ZNF287: variants seen among roughly 807,000 people sequenced by gnomAD.
ZNF287 encodes the protein zinc finger protein 287, also known as zinc finger protein with KRAB and SCAN domains 13.
A neutral mutation model predicts 73.7 loss-of-function variants in ZNF287; 31 were observed. The ratio of observed to expected loss-of-function variants is 0.42; its 90% CI spans 0.32 to 0.57. ZNF287 has a LOEUF of 0.57. ZNF287 is among the 20% of genes least tolerant of loss of function. ZNF287 has a pLI of 0.13. For missense variants in ZNF287, 641 were observed against 909.3 expected (o/e 0.70, Z 3.79); for synonymous variants, 301 against 307.2 (o/e 0.98, Z 0.21).
At position 16,567,595 on chromosome 17, in the gene ZNF287, TCA is replaced by T. The variant is rs1907828457; in HGVS notation, c.135_136del (p.Glu46AspfsTer7). ...ATTCCTAAAATTCTGTCGACAGGTC[TCA>T]GTGTCACGCAAGAATCTTGAAGTAA... On this transcript the variant is annotated frameshift_variant, in exon 2 of 6. Transcript: ENST00000395825. LOFTEE classifies it high-confidence loss of function. 1 of 1,614,110 alleles carries T rather than the reference TCA, an allele frequency of 6.2e-7. No homozygotes were observed.
chr17:16,563,592 A>G lies in ZNF287; in HGVS notation c.628+107T>C, dbSNP rs142252935. 1,042 of 1,310,742 alleles carry G rather than the reference A, an allele frequency of 7.9e-4. 13 individuals are homozygous for G. In the African/African-American group the frequency reaches 0.014, roughly 18 times the overall value. The allele number at this position is 1,310,742 out of a possible 1,614,324, so 81.2% of individuals were successfully genotyped here. On this transcript the variant is annotated intron_variant, in intron 4 of 5. Coordinates refer to ENST00000395825, the MANE Select transcript of ZNF287 (RefSeq NM_020653.4). ...ACAGTCACTTTCGTGCTTGAATGAG[A>G]TAAGAACATTTATTTCTGGACCCCA...
At position 16,552,039 on chromosome 17, in the gene ZNF287, C is replaced by G. The variant is rs1244442596; in HGVS notation, c.2103G>C (p.Glu701Asp). The change falls in exon 6 of 6, where the codon GAG becomes GAC. Residue 701 changes from glutamate (E) to aspartate (D), a missense_variant. This residue lies in a region of ZNF287 where 284 missense variants were observed against 466.8 expected (regional missense o/e 0.61). Coordinates refer to ENST00000395825, the MANE Select transcript of ZNF287 (RefSeq NM_020653.4). The surrounding 1 kb of genome is among the most constrained non-coding windows in gnomAD (Gnocchi z 6.5). Reference protein sequence around the residue: ...LNQHQRTHTGERPYKCNECDK... With the variant: ...LNQHQRTHTGDRPYKCNECDK... ...CACATTCATTACATTTATAGGGTCT[C>G]TCTCCAGTATGAGTTCTCTGATGTT... The G allele has an allele frequency of 6.2e-7, 1 of 1,614,066 alleles. No homozygotes were observed. Among genetic ancestry groups the G allele is most frequent in the Admixed American group, 1.7e-5 (1 of 60,022 alleles).
chr17:16,555,317 T>C (rs1401200484), intron 5 of ZNF287, among the ~76,000 whole-genome samples: 1 of 152,176 alleles, frequency 6.6e-6, no homozygotes, highest in East Asian at 1.9e-4. Context: ...ATATGCTCCA[T>C]TGTTGTCTTA....
intron 5 of ZNF287, among the ~76,000 whole-genome samples, chr17:16,561,005 A>C (rs1399000562): frequency 6.6e-6 from 1 of 151,420 alleles, no homozygotes; most frequent in Non-Finnish European, 1.5e-5. Flanking sequence ...TCCGTCTCAA[A>C]AAAAAAAGAA....
At chr17:16,567,979 C>T in intron 1 of ZNF287, 50 bp from the exon 2 acceptor site, 2 of 1,353,194 alleles carry the variant, frequency 1.5e-6, no homozygotes, top group African/African-American at 1.5e-5. Context: ...GTGTACTCTA[C>T]TATACATATA....
At chr17:16,567,968 G>A in intron 1 of ZNF287, 39 bp from the exon 2 acceptor site, 1 of 1,383,988 alleles carries the variant, frequency 7.2e-7, no homozygotes, top group South Asian at 1.7e-5. Context: ...AAGAATCCCT[G>A]GTGTACTCTA....
At chr17:16,563,551 G>A (rs1012533995) in intron 4 of ZNF287, 148 bp downstream of exon 4, 6 of 922,118 alleles carry the variant, frequency 6.5e-6, no homozygotes, top group Non-Finnish European at 6.4e-6. Context: ...CCTTTCATTT[G>A]GAAAACGGGA....
At chr17:16,553,465 G>A in intron 5 of ZNF287, 39 bp from the exon 6 acceptor site, 1 of 1,399,476 alleles carries the variant, frequency 7.1e-7, no homozygotes, top group African/African-American at 1.5e-5. Flanking sequence ...TCATTTATTT[G>A]GAGAAAGGAA....
Position 16,551,760 on chromosome 17 carries a change from A to C in ZNF287, c.*96T>G. On this transcript the variant is annotated 3_prime_UTR_variant, in exon 6 of 6. Transcript: ENST00000395825. The stretch of plus-strand genomic sequence containing the variant: ...TTCTGCTGAGTATCTAACATATTGC[A>C]CTTCTTCAGACTTCTTCTGAATGTT... 7.7e-7 allele frequency: 1 copy of C among 1,305,652 alleles called. No homozygotes were observed. The highest frequency in any genetic ancestry group is 1.1e-6 in the Non-Finnish European group (1 of 944,350). 80.9% of individuals were successfully genotyped at this position (1,305,652 alleles called of 1,614,324 possible).
chr17:16,562,502 T>C (rs1907506661), intron 5 of ZNF287, among the ~76,000 whole-genome samples: 4 of 152,248 alleles, frequency 2.6e-5, no homozygotes, highest in Non-Finnish European at 2.9e-5. Flanking sequence ...CTTCTACTTA[T>C]GTGGAACTTT....
intron 2 of ZNF287, 31 bp from the exon 3 acceptor site, chr17:16,566,653 T>C (rs1479839431): frequency 3.2e-6 from 5 of 1,548,822 alleles, no homozygotes; most frequent in Non-Finnish European, 4.4e-6. Context: ...ATGAGGGAGA[T>C]TAGTCCTTTC....
rs542334960 is a variant in ZNF287 at position 16,547,378 on chromosome 17, A to G, written c.*4478T>C. On this transcript the variant is annotated 3_prime_UTR_variant, in exon 6 of 6. Coordinates refer to ENST00000395825, the MANE Select transcript of ZNF287 (RefSeq NM_020653.4). ...CTTGGCAGATTAACTGACAAGTTCT[A>G]TTCCCTTGTAAATTTCCTGATGGCA... is the stretch of plus-strand genomic sequence containing the variant. Among the ~76,000 whole-genome samples, 13 of 152,322 alleles carry G rather than the reference A, an allele frequency of 8.5e-5. No individual in the cohort carries two copies. The highest frequency in any genetic ancestry group is 3.1e-4 in the African/African-American group (13 of 41,572).
At chr17:16,559,718 T>C (rs1275238730) in intron 5 of ZNF287, among the ~76,000 whole-genome samples, 1 of 152,190 alleles carries the variant, frequency 6.6e-6, no homozygotes, top group African/African-American at 2.4e-5. Flanking sequence ...TCAGGGTTCC[T>C]TAGAGAAATC....
intron 5 of ZNF287, chr17:16,559,408 T>C (rs1389549650): frequency 6.6e-6 from 1 of 152,214 alleles, no homozygotes; most frequent in East Asian, 1.9e-4. Context: ...GTGTAACATA[T>C]GATATAGCAA....
In ZNF287 at chr17:16,552,349, C is replaced by T. The variant is rs1218895824; in HGVS notation, c.1793G>A (p.Gly598Glu). The T allele has an allele frequency of 1.9e-6, 3 of 1,613,810 alleles. No individual in the cohort carries two copies. ...ATTTGCACTCTGGCTGAAGGCTTTC[C>T]CACATATATTACATATATAGGATTT... The part of the protein sequence containing the change: ...GEKSYICNIC[G>E]KAFSQSANLT... The change falls in exon 6 of 6, where the codon GGG becomes GAG. Residue 598 changes from glycine to glutamate, a missense_variant. Gly to Glu is a moderately conservative substitution (Grantham distance 98). This residue lies in a region of ZNF287 where 284 missense variants were observed against 466.8 expected (regional missense o/e 0.61). Transcript: ENST00000395825. The surrounding 1 kb of genome is among the most constrained non-coding windows in gnomAD (Gnocchi z 6.5).
Position 16,550,392 on chromosome 17 carries a change from C to T in ZNF287, c.*1464G>A, listed in dbSNP as rs2142449888. On this transcript the variant is annotated 3_prime_UTR_variant, in exon 6 of 6. Transcript: ENST00000395825. ...TTCATAGGCAAAGCAAGTCCAATTA[C>T]ATTTCATGTTATAGCAATTATCTAT... 6.6e-6 allele frequency among the ~76,000 whole-genome samples: 1 copy of T among 152,318 alleles called. No individual in the cohort carries two copies. The highest frequency in any genetic ancestry group is 2.4e-5 in the African/African-American group (1 of 41,576).
In ZNF287 at chr17:16,567,658, G is replaced by A. The variant is rs781614102; in HGVS notation, c.74C>T (p.Ala25Val). 3.1e-6 allele frequency: 5 copies of A among 1,614,046 alleles called. No homozygotes were observed. The highest frequency in any genetic ancestry group is 4.2e-6 in the Non-Finnish European group (5 of 1,180,032). ...QILLRWKSDK[A>V]QSGPYNVEKE... is the part of the protein sequence containing the mutation. ...CTCAACATTGTAGGGTCCACTCTGA[G>A]CCTTGTCTGACTTCCACCTTAGAAG... The change falls in exon 2 of 6, where the codon GCT becomes GTT. Residue 25 changes from alanine (A) to valine (V), a missense_variant. Coordinates refer to ENST00000395825, the MANE Select transcript of ZNF287 (RefSeq NM_020653.4).
chr17:16,564,386 A>G (rs1221513205), intron 3 of ZNF287, among the ~76,000 whole-genome samples: 2 of 151,894 alleles, frequency 1.3e-5, no homozygotes, highest in African/African-American at 2.4e-5. Flanking sequence ...TTTTTTTTGT[A>G]GAGATGGGGT....
chr17:16,561,165 C>T (rs1006972676), intron 5 of ZNF287, among the ~76,000 whole-genome samples: 5 of 151,906 alleles, frequency 3.3e-5, no homozygotes, highest in Non-Finnish European at 7.4e-5. Context: ...AATACAAAAA[C>T]TAGCCGGGTG....
Sources: gnomAD v4.1 joint callset for allele counts (sites outside exome capture counted in the v4.1 genomes callset) on GRCh38, gnomAD v4.1.1 for gene constraint, gnomAD v4.1.1 regional missense constraint, Gnocchi (gnomAD v3.1) non-coding constraint, MANE v1.5 for transcripts, NCBI Gene and HGNC (gene_info 2026-07-23, HGNC 2026-07-21) for gene names.